AGAP3: variants seen among roughly 807,000 people sequenced by gnomAD.
AGAP3 encodes ArfGAP with GTPase domain, ankyrin repeat and PH domain 3, also known as arf-GAP with GTPase, ANK repeat and PH domain-containing protein 3.
In AGAP3, 24 loss-of-function variants were observed where a neutral mutation model predicts 96.9. The ratio of observed to expected loss-of-function variants is 0.25; its 90% CI spans 0.18 to 0.35. AGAP3 has a LOEUF of 0.35. Among genes scored for constraint, AGAP3 ranks in the 10% least tolerant of loss-of-function variants. AGAP3 has a pLI of 1.00. For synonymous variants in AGAP3, 563 were observed against 536.1 expected (o/e 1.05, Z -0.69); for missense variants, 876 against 1,254.2 (o/e 0.70, Z 4.55).
Position 151,142,129 on chromosome 7 carries a change from C to G in AGAP3, c.1960-34C>G. On this transcript the variant is annotated intron_variant, in intron 14 of 17. Coordinates refer to ENST00000397238, the MANE Select transcript of AGAP3 (RefSeq NM_031946.7). The surrounding 1 kb of genome is among the most constrained non-coding windows in gnomAD (Gnocchi z 7.5). ...GAAAGGGGCCTCATGACTGACCAAC[C>G]GCCCCTTGTCTTGTCTCTCCTGCTG... 6.2e-7 allele frequency: 1 copy of G among 1,611,084 alleles called. No individual in the cohort carries two copies. The highest frequency in any genetic ancestry group is 8.5e-7 in the Non-Finnish European group (1 of 1,178,126).
chr7:151,117,218 G>C, intron 3 of AGAP3, 36 bp downstream of exon 3: 3 of 1,603,984 alleles, frequency 1.9e-6, no homozygotes, highest in Non-Finnish European at 1.7e-6. Context: ...CCCTGAGGCC[G>C]GCCACTCCTC....
At chr7:151,131,356 T>A (rs1173505206) in intron 10 of AGAP3, 1 of 152,246 alleles carries the variant, frequency 6.6e-6, no homozygotes, top group Non-Finnish European at 1.5e-5. Context: ...TTCCACGCTC[T>A]GAACTCGTTG....
At chr7:151,091,838 C>T (rs1798411642) in intron 1 of AGAP3, among the ~76,000 whole-genome samples, 1 of 152,212 alleles carries the variant, frequency 6.6e-6, no homozygotes, top group Non-Finnish European at 1.5e-5. Context: ...ACCTGGCAAT[C>T]TTCCTGTATC....
intron 1 of AGAP3, among the ~76,000 whole-genome samples, chr7:151,093,188 C>T (rs1488263839): frequency 6.6e-6 from 1 of 152,222 alleles, no homozygotes; most frequent in African/African-American, 2.4e-5. Flanking sequence ...GTTGTCCAGG[C>T]TGCAGTGCAG....
intron 3 of AGAP3, 71 bp downstream of exon 3, chr7:151,117,253 T>TGG: frequency 1.3e-6 from 2 of 1,578,734 alleles, no homozygotes; most frequent in Non-Finnish European, 1.7e-6. Context: ...AGGGTCTGGG[T>TGG]GGGGGGTCTC....
rs747548429 is a variant in AGAP3, at chr7:151,117,720, C to A, written c.649C>A (p.Arg217Ser). Residue 217 changes from arginine to serine, a missense_variant, in exon 5 of 18, where the codon CGT becomes AGT. Physicochemically the swap from Arg to Ser is moderately radical, Grantham distance 110 (BLOSUM62 -1). Transcript: ENST00000397238. The part of the protein sequence containing the change: ...SFQTVYNYFL[R>S]LCSFRNASEV... ...CCAGACGGTGTACAACTACTTCCTGCGTCTCTGCAGCTTCCGCAACGCCAG... is the reference window on the plus strand; with the variant it reads ...CCAGACGGTGTACAACTACTTCCTGAGTCTCTGCAGCTTCCGCAACGCCAG... 6.2e-7 allele frequency: 1 copy of A among 1,614,188 alleles called. No homozygotes were observed. Among genetic ancestry groups the A allele is most frequent in the South Asian group, 1.1e-5 (1 of 91,086 alleles).
chr7:151,136,000 C>T (rs973494553), intron 11 of AGAP3, among the ~76,000 whole-genome samples: 2 of 152,186 alleles, frequency 1.3e-5, no homozygotes, highest in Non-Finnish European at 1.5e-5. Context: ...AGGCCGGCCA[C>T]CACCCATCAT....
At position 151,118,652 on chromosome 7, in the gene AGAP3, C is replaced by G. The variant is rs768545330; in HGVS notation, c.969+20C>G. The stretch of plus-strand genomic sequence containing the variant: ...AACCAGGTTCGGCCTGTGCCCCGCC[C>G]TGCCCTTCCTGTCCCCACCATGTCT... On this transcript the variant is annotated intron_variant, in intron 7 of 17. Coordinates refer to ENST00000397238, the MANE Select transcript of AGAP3 (RefSeq NM_031946.7). The surrounding 1 kb of genome is among the most constrained non-coding windows in gnomAD (Gnocchi z 6.1). 1.2e-6 allele frequency: 2 copies of G among 1,608,142 alleles called. No homozygotes were observed. The highest frequency in any genetic ancestry group is 1.7e-6 in the Non-Finnish European group (2 of 1,178,858).
At position 151,117,119 on chromosome 7, in the gene AGAP3, G is replaced by A. The variant is rs540784828; in HGVS notation, c.415G>A (p.Gly139Arg). The A allele has an allele frequency of 3.7e-6, 6 of 1,613,964 alleles. No individual in the cohort carries two copies. The highest frequency in any genetic ancestry group is 1.6e-4 in the Middle Eastern group (1 of 6,084). Reference sequence around the variant, plus strand: ...GGGCATAGTGGGGAACCTGTCTAGCGGGAAGTCAGCCCTGGTGCACCGCTA... The same window carrying A: ...GGGCATAGTGGGGAACCTGTCTAGCAGGAAGTCAGCCCTGGTGCACCGCTA... ...KVGIVGNLSSGKSALVHRYLT... is the reference protein window; with the variant it reads ...KVGIVGNLSSRKSALVHRYLT... The change falls in exon 3 of 18, where the codon GGG becomes AGG. Residue 139 changes from glycine to arginine, a missense_variant. Around this residue, in one of 8 missense-constraint regions of AGAP3, gnomAD observed 131 missense variants for 304.5 expected, o/e 0.43. Coordinates refer to ENST00000397238, the MANE Select transcript of AGAP3 (RefSeq NM_031946.7).
intron 10 of AGAP3, among the ~76,000 whole-genome samples, chr7:151,131,533 G>A (rs1378101500): frequency 6.6e-6 from 1 of 152,184 alleles, no homozygotes; most frequent in African/African-American, 2.4e-5. Context: ...GGAGGGAAAC[G>A]CTGCTGCCTG....
intron 11 of AGAP3, among the ~76,000 whole-genome samples, chr7:151,135,178 A>G (rs549051133): frequency 8.5e-5 from 13 of 152,182 alleles, no homozygotes; most frequent in African/African-American, 3.1e-4. Context: ...CCCAGGCCCC[A>G]TGCTCTTCCA....
chr7:151,122,608 T>C (rs1799963257), intron 8 of AGAP3: 7 of 1,170,684 alleles, frequency 6.0e-6, no homozygotes, highest in South Asian at 1.4e-5. Flanking sequence ...CCTCCTCCTC[T>C]TCATCCCGCT....
intron 1 of AGAP3, among the ~76,000 whole-genome samples, chr7:151,105,058 G>A (rs187395144): frequency 2.0e-5 from 3 of 152,240 alleles, no homozygotes; most frequent in East Asian, 3.9e-4. Flanking sequence ...GAGGGCATGC[G>A]GCCAAAACAG....
rs1800868051 is a variant in AGAP3, at chr7:151,142,717, G to A, written c.2273+83G>A. 7.0e-7 allele frequency: 1 copy of A among 1,427,542 alleles called. No homozygotes were observed. Among genetic ancestry groups the A allele is most frequent in the African/African-American group, 1.4e-5 (1 of 71,434 alleles). The allele number at this position is 1,427,542 out of a possible 1,614,324, so 88.4% of individuals were successfully genotyped here. A position where few individuals can be genotyped will look rare whatever the true frequency, so the allele number is the denominator to read the frequency against. On this transcript the variant is annotated intron_variant, in intron 16 of 17. Coordinates refer to ENST00000397238, the MANE Select transcript of AGAP3 (RefSeq NM_031946.7). This position sits in a 1 kb window ranked among gnomAD's most constrained non-coding sequence, Gnocchi z 7.5. Reference sequence around the variant, plus strand: ...GCATGGGGAAGATTGGAGTGGCTGTGATGGTATTAGAAGGGTTAAAACTGT... The same window carrying A: ...GCATGGGGAAGATTGGAGTGGCTGTAATGGTATTAGAAGGGTTAAAACTGT...
At chr7:151,117,557 G>A (rs955760859) in intron 4 of AGAP3, 79 bp from the exon 5 acceptor site, 2 of 1,611,618 alleles carry the variant, frequency 1.2e-6, no homozygotes, top group African/African-American at 2.7e-5. Context: ...AGGGAGAAGG[G>A]TCTACTTGAG....
chr7:151,093,895 G>A (rs1046009576), intron 1 of AGAP3, among the ~76,000 whole-genome samples: 29 of 152,298 alleles, frequency 1.9e-4, no homozygotes, highest in Middle Eastern at 3.4e-3. Flanking sequence ...TGACCCTGGC[G>A]TGAGTATCTG....
intron 8 of AGAP3, chr7:151,123,144 C>A: frequency 9.1e-7 from 1 of 1,100,446 alleles, no homozygotes; most frequent in Non-Finnish European, 1.1e-6. Flanking sequence ...CCCTCCCCTC[C>A]TCTGCTCCTT....
chr7:151,140,275 A>G lies in AGAP3; in HGVS notation c.1804+159A>G. On this transcript the variant is annotated intron_variant, in intron 13 of 17. Transcript: ENST00000397238. This position sits in a 1 kb window ranked among gnomAD's most constrained non-coding sequence, Gnocchi z 5.4. ...AGTAGTTCTACAGCTTCTTTTGGTA[A>G]TCTAGACCTGGTATCTTAGAAAAGT... 1 of 822,400 alleles carries G rather than the reference A, an allele frequency of 1.2e-6. No homozygotes were observed. Among genetic ancestry groups the G allele is most frequent in the Non-Finnish European group, 1.6e-6 (1 of 606,380 alleles). 50.9% of individuals were successfully genotyped at this position (822,400 alleles called of 1,614,324 possible). A position where few individuals can be genotyped will look rare whatever the true frequency, so the allele number is the denominator to read the frequency against.
rs1348732909 is a variant in AGAP3 at position 151,108,886 on chromosome 7, G to T, written c.332-7907G>T. 1.3e-5 allele frequency among the ~76,000 whole-genome samples: 2 copies of T among 152,150 alleles called. No homozygotes were observed. Among genetic ancestry groups the T allele is most frequent in the African/African-American group, 4.8e-5 (2 of 41,454 alleles). On this transcript the variant is annotated intron_variant, in intron 1 of 17. Transcript: ENST00000397238. The surrounding 1 kb of genome is among the most constrained non-coding windows in gnomAD (Gnocchi z 4.2). Reference sequence around the variant, plus strand: ...AACCAGAACACGAGTTCTGAACCTGGAACCCATGGCAGGGATTAAGGGGAC... The same window carrying T: ...AACCAGAACACGAGTTCTGAACCTGTAACCCATGGCAGGGATTAAGGGGAC...
Sources: allele counts gnomAD v4.1 joint callset (sites outside exome capture counted in the v4.1 genomes callset), GRCh38; gene constraint gnomAD v4.1.1; regional missense constraint gnomAD v4.1.1; non-coding constraint Gnocchi (gnomAD v3.1); transcripts MANE v1.5; gene names NCBI Gene and HGNC (gene_info 2026-07-23, HGNC 2026-07-21).